Variants in RAB7A observed in about 807,000 individuals in gnomAD.
RAB7A encodes RAB7A, member RAS oncogene family.
In RAB7A, 2 loss-of-function variants were observed where a neutral mutation model predicts 24.5. That is an observed-to-expected ratio of 0.08 (90% CI 0.03 to 0.26). The LOEUF (loss-of-function observed/expected upper bound fraction) is 0.26. Ranked by LOEUF, RAB7A falls within the 10% of genes least tolerant of loss-of-function variation. The pLI is 1.00. For missense variants in RAB7A, 118 were observed against 255.7 expected, an observed-to-expected ratio of 0.46 and a Z score of 3.67; for synonymous variants, 100 against 95.9, an observed-to-expected ratio of 1.04 and a Z score of -0.25.
intron 1 of RAB7A, among the ~76,000 whole-genome samples, chr3:128,768,986 T>TA (rs1202491322): frequency 7.0e-6 from 1 of 142,062 alleles, no homozygotes; most frequent in Non-Finnish European, 1.5e-5. Flanking sequence ...TTTTTTTTTT[T>TA]TTTTTTTTTA....
intron 4 of RAB7A, 23 bp from the exon 5 acceptor site, chr3:128,807,520 G>A: frequency 6.2e-7 from 1 of 1,613,662 alleles, no homozygotes; most frequent in Non-Finnish European, 8.5e-7. Flanking sequence ...ATGAGCCTAT[G>A]TGCACCCTGC....
At chr3:128,753,423 TAAAG>T (rs780228914) in intron 1 of RAB7A, among the ~76,000 whole-genome samples, 6 of 152,146 alleles carry the variant, frequency 3.9e-5, no homozygotes, top group Non-Finnish European at 7.4e-5. Flanking sequence ...TTAAAAATGA[TAAAG>T]ATAGTAAATT....
At chr3:128,735,037 C>G (rs558789092) in intron 1 of RAB7A, among the ~76,000 whole-genome samples, 6 of 152,080 alleles carry the variant, frequency 3.9e-5, no homozygotes, top group Non-Finnish European at 7.4e-5. Flanking sequence ...ATGTGGGTTT[C>G]CTGAATGATG....
intron 1 of RAB7A, among the ~76,000 whole-genome samples, chr3:128,784,858 T>C (rs1002609009): frequency 6.6e-6 from 1 of 152,216 alleles, no homozygotes; most frequent in African/African-American, 2.4e-5. Flanking sequence ...TATCTACTTT[T>C]GCCCTTGGTA....
intron 1 of RAB7A, among the ~76,000 whole-genome samples, chr3:128,748,304 G>T (rs1416072931): frequency 1.3e-5 from 2 of 152,176 alleles, no homozygotes; most frequent in African/African-American, 4.8e-5. Flanking sequence ...GTCGAGTAAG[G>T]GACTGGCAGG....
chr3:128,776,612 A>G (rs976520424), intron 1 of RAB7A, among the ~76,000 whole-genome samples: 4 of 152,206 alleles, frequency 2.6e-5, no homozygotes, highest in Non-Finnish European at 5.9e-5. Context: ...CCATTCGTCC[A>G]TGGATGGATA....
At chr3:128,749,443 C>T (rs1365873731) in intron 1 of RAB7A, 2 of 152,164 alleles carry the variant, frequency 1.3e-5, no homozygotes, top group African/African-American at 2.4e-5. Flanking sequence ...CCAGCTTCAC[C>T]TTAGCGAAGC....
Position 128,807,653 on chromosome 3 carries a change from A to C in RAB7A, c.510A>C (p.Ala170=). The change falls in exon 5 of 6, where the codon GCA becomes GCC. Residue 170 remains alanine, a synonymous_variant. Coordinates refer to ENST00000265062, the MANE Select transcript of RAB7A (RefSeq NM_004637.6). ...INVEQAFQTI[A]RNALKQETEV... ...TGGAGCAGGCGTTCCAGACGATTGC[A>C]CGGAATGCACTTAAGCAGGTGGGTC... 6.2e-7 allele frequency: 1 copy of C among 1,614,210 alleles called. No homozygotes were observed. The highest frequency in any genetic ancestry group is 1.7e-4 in the Middle Eastern group (1 of 6,052).
intron 3 of RAB7A, chr3:128,798,331 G>GT (rs1933618432): frequency 2.5e-6 from 1 of 393,824 alleles, no homozygotes; most frequent in Non-Finnish European, 4.7e-6. Context: ...ATCCTTTCTT[G>GT]TTTTTTGTTG....
intron 1 of RAB7A, chr3:128,748,625 A>G (rs1254120416): frequency 6.6e-6 from 1 of 152,190 alleles, no homozygotes; most frequent in Non-Finnish European, 1.5e-5. Context: ...CTTGAACCCC[A>G]TGGACACCAT....
At chr3:128,743,752 A>G (rs1180976898) in intron 1 of RAB7A, among the ~76,000 whole-genome samples, 1 of 151,458 alleles carries the variant, frequency 6.6e-6, no homozygotes, top group South Asian at 2.1e-4. Context: ...TATACGTTCA[A>G]TATCAGCCTA....
At chr3:128,783,779 G>A (rs930199240) in intron 1 of RAB7A, among the ~76,000 whole-genome samples, 18 of 152,148 alleles carry the variant, frequency 1.2e-4, no homozygotes, top group African/African-American at 4.1e-4. Context: ...CATGCTTTCT[G>A]GGAACTTCTC....
At chr3:128,780,163 A>G (rs1933187030) in intron 1 of RAB7A, among the ~76,000 whole-genome samples, 3 of 152,230 alleles carry the variant, frequency 2.0e-5, no homozygotes, top group Non-Finnish European at 2.9e-5. Context: ...GATGCTGTCT[A>G]TAGGAACAGT....
chr3:128,743,306 C>A (rs2070575216), intron 1 of RAB7A, among the ~76,000 whole-genome samples: 1 of 152,260 alleles, frequency 6.6e-6, no homozygotes, highest in Admixed American at 6.5e-5. Flanking sequence ...ATGCCTCTCC[C>A]TCCACAACTC....
At chr3:128,807,260 C>T (rs1386459840) in intron 4 of RAB7A, among the ~76,000 whole-genome samples, 1 of 152,210 alleles carries the variant, frequency 6.6e-6, no homozygotes, top group Admixed American at 6.5e-5. Flanking sequence ...TGGCTTCTTA[C>T]TCCATTCACA....
chr3:128,742,615 C>G (rs2070565929), intron 1 of RAB7A, among the ~76,000 whole-genome samples: 1 of 152,024 alleles, frequency 6.6e-6, no homozygotes, highest in African/African-American at 2.4e-5. Flanking sequence ...TAGCTAGACA[C>G]AGAGCACTGA....
chr3:128,813,623 C>G lies in RAB7A; in HGVS notation c.*201C>G. On this transcript the variant is annotated 3_prime_UTR_variant, in exon 6 of 6. Coordinates refer to ENST00000265062, the MANE Select transcript of RAB7A (RefSeq NM_004637.6). ...CACACGCACACACACACACACAGATCTGACGTAATCAAACTCCAGCCCTTG... is the reference window on the plus strand; with the variant it reads ...CACACGCACACACACACACACAGATGTGACGTAATCAAACTCCAGCCCTTG... The G allele has an allele frequency of 3.3e-6, 2 of 614,048 alleles. No homozygotes were observed. Among genetic ancestry groups the G allele is most frequent in the Non-Finnish European group, 6.0e-6 (2 of 334,090 alleles). 38.0% of individuals were successfully genotyped at this position (614,048 alleles called of 1,614,324 possible).
intron 1 of RAB7A, among the ~76,000 whole-genome samples, chr3:128,748,020 T>C (rs1036537784): frequency 2.0e-4 from 30 of 152,260 alleles, no homozygotes; most frequent in Admixed American, 1.8e-3. Context: ...CACCCACCTC[T>C]GCCTCCCAAA....
At chr3:128,727,298 A>G (rs149517697) in intron 1 of RAB7A, among the ~76,000 whole-genome samples, 1,815 of 152,316 alleles carry the variant, frequency 0.012, 33 homozygotes, top group African/African-American at 0.039. Context: ...CACACAGCTA[A>G]TAAGTTACGA....
Sources: gnomAD v4.1 joint callset for allele counts (sites outside exome capture counted in the v4.1 genomes callset) on GRCh38, gnomAD v4.1.1 for gene constraint, MANE v1.5 for transcripts, NCBI Gene and HGNC (gene_info 2026-07-23, HGNC 2026-07-21) for gene names.